CRHR1: variants seen among roughly 807,000 people sequenced by gnomAD.
The protein encoded by CRHR1 is corticotropin releasing hormone receptor 1.
A neutral mutation model predicts 56.0 loss-of-function variants in CRHR1; 28 were observed. The ratio of observed to expected loss-of-function variants is 0.50; its 90% confidence interval spans 0.37 to 0.69. The LOEUF is 0.69. Ranked by LOEUF, CRHR1 falls within the 30% of genes least tolerant of loss-of-function variation. The pLI is 0.00. For synonymous variants in CRHR1, 195 were observed against 216.5 expected (o/e 0.90, Z 0.87); for missense variants, 376 against 548.0 (o/e 0.69, Z 3.13).
intron 2 of CRHR1, among the ~76,000 whole-genome samples, chr17:45,812,984 A>C (rs1359013556): frequency 6.6e-6 from 1 of 152,036 alleles, no homozygotes; most frequent in African/African-American, 2.4e-5. Context: ...CCTTGTCCCT[A>C]CAGGGTCCCA....
chr17:45,797,435 C>A (rs1160994641), intron 1 of CRHR1, among the ~76,000 whole-genome samples: 1 of 151,902 alleles, frequency 6.6e-6, no homozygotes, highest in East Asian at 1.9e-4. Context: ...GGACTACAGG[C>A]GCCCGCCACC....
intron 2 of CRHR1, among the ~76,000 whole-genome samples, chr17:45,808,122 G>A (rs974367422): frequency 1.3e-5 from 2 of 152,214 alleles, no homozygotes; most frequent in South Asian, 2.1e-4. Flanking sequence ...CAGGCCCCAC[G>A]CAGGGCACTG....
In CRHR1 at chr17:45,834,861, C is replaced by G; in HGVS notation, c.*97C>G. The G allele has an allele frequency of 1.3e-6, 2 of 1,502,432 alleles. No individual in the cohort carries two copies. Among genetic ancestry groups the G allele is most frequent in the Non-Finnish European group, 1.8e-6 (2 of 1,101,820 alleles). 93.1% of individuals were successfully genotyped at this position (1,502,432 alleles called of 1,614,324 possible). A position where few individuals can be genotyped will look rare whatever the true frequency, so the allele number is the denominator to read the frequency against. ...TGCCTGTGGAGGTGACCTGTTAGGTCTCATGCCCACTCCCCCAGGAGCAGC... is the reference window on the plus strand; with the variant it reads ...TGCCTGTGGAGGTGACCTGTTAGGTGTCATGCCCACTCCCCCAGGAGCAGC... On this transcript the variant is annotated 3_prime_UTR_variant, in exon 13 of 13. Transcript: ENST00000314537.
rs568534119 is a variant in CRHR1, at chr17:45,798,044, A to C, written c.34-8966A>C. ...GAGGGAGCTCCTGCTGAGCAGGAGG[A>C]ATAGAGAGGAAAATGAGAAAAAGGA... On this transcript the variant is annotated intron_variant, in intron 1 of 12. Transcript: ENST00000314537. Among the ~76,000 whole-genome samples the C allele has an allele frequency of 6.1e-4, 93 of 152,182 alleles. 2 individuals are homozygous for C. Among genetic ancestry groups the C allele is most frequent in the African/African-American group, 2.1e-3 (87 of 41,510 alleles).
rs1041912733 is a variant in CRHR1, at chr17:45,833,831, C to T, written c.1047C>T (p.Ser349=). ...GGGTCGTCTTCATCTACTTCAACTC[C>T]TTCCTGGAATCCTTCCAGGTACAGC... ...VSRVVFIYFN[S]FLESFQGFFV... Residue 349 remains serine, a synonymous_variant, in exon 11 of 13, where the codon TCC becomes TCT. Coordinates refer to ENST00000314537, the MANE Select transcript of CRHR1 (RefSeq NM_004382.5). The T allele has an allele frequency of 2.5e-6, 4 of 1,613,762 alleles. No individual in the cohort carries two copies. The highest frequency in any genetic ancestry group is 1.7e-6 in the Non-Finnish European group (2 of 1,179,984).
Position 45,807,825 on chromosome 17 carries a change from G to A in CRHR1, c.121+728G>A, listed in dbSNP as rs576315116. 1.2e-4 allele frequency among the ~76,000 whole-genome samples: 18 copies of A among 152,288 alleles called. No homozygotes were observed. The South Asian group carries it at 2.1e-3, about 18-fold the overall frequency. ...TTCATCCTCACAAGAGTGTAAAGCC[G>A]AACGTTTGTACAGTTGAGGAAACTG... On this transcript the variant is annotated intron_variant, in intron 2 of 12. Coordinates refer to ENST00000314537, the MANE Select transcript of CRHR1 (RefSeq NM_004382.5).
intron 4 of CRHR1, chr17:45,827,796 TCTC>T (rs1471908878): frequency 1.3e-5 from 2 of 152,450 alleles, no homozygotes; most frequent in Admixed American, 6.5e-5. Context: ...GGTCTTGGCT[TCTC>T]CTGGGATGCC....
At chr17:45,830,244 G>A (rs1568069790) in intron 6 of CRHR1, 30 bp downstream of exon 6, 1 of 1,612,500 alleles carries the variant, frequency 6.2e-7, no homozygotes, top group Non-Finnish European at 8.5e-7. Context: ...CGGGGAGCAG[G>A]TCAGGCCAAA....
At chr17:45,813,881 C>G (rs1006137247) in intron 2 of CRHR1, among the ~76,000 whole-genome samples, 1 of 152,254 alleles carries the variant, frequency 6.6e-6, no homozygotes, top group Non-Finnish European at 1.5e-5. Context: ...CCTTGAAGGT[C>G]TCCACGTCCC....
intron 1 of CRHR1, among the ~76,000 whole-genome samples, chr17:45,789,698 T>C (rs1260977415): frequency 6.6e-6 from 1 of 152,206 alleles, no homozygotes; most frequent in African/African-American, 2.4e-5. Context: ...AAAATGCTTG[T>C]CTTTGGACTT....
chr17:45,806,981 A>G (rs369389731), intron 1 of CRHR1, 29 bp from the exon 2 acceptor site: 23 of 1,601,794 alleles, frequency 1.4e-5, no homozygotes, highest in Middle Eastern at 3.3e-4. Context: ...GCACCTGCCT[A>G]ATGTGTCCTT....
chr17:45,815,098 G>A (rs866137644), intron 2 of CRHR1, among the ~76,000 whole-genome samples: 1 of 152,270 alleles, frequency 6.6e-6, no homozygotes, highest in Non-Finnish European at 1.5e-5. Flanking sequence ...GGCAGCCCCA[G>A]CCAGGGCTTG....
intron 1 of CRHR1, among the ~76,000 whole-genome samples, chr17:45,804,424 C>G (rs17689378): frequency 6.6e-6 from 1 of 151,968 alleles, no homozygotes; most frequent in African/African-American, 2.4e-5. Flanking sequence ...CAGGCTCTGA[C>G]GAGGAGTGGG....
chr17:45,791,878 A>G (rs1157616393), intron 1 of CRHR1, among the ~76,000 whole-genome samples: 1 of 151,516 alleles, frequency 6.6e-6, no homozygotes, highest in East Asian at 1.9e-4. Context: ...ACACACACAC[A>G]CACACACGCT....
intron 3 of CRHR1, among the ~76,000 whole-genome samples, chr17:45,820,173 C>T (rs190647384): frequency 1.3e-5 from 2 of 152,320 alleles, no homozygotes; most frequent in South Asian, 2.1e-4. Context: ...GGAAGGCCTA[C>T]AGTGAGGGAG....
chr17:45,791,958 C>G (rs1004352970), intron 1 of CRHR1, among the ~76,000 whole-genome samples: 2 of 152,134 alleles, frequency 1.3e-5, no homozygotes, highest in African/African-American at 4.8e-5. Flanking sequence ...TCAGAAGCCA[C>G]TGTGTGGTCA....
chr17:45,797,536 C>T (rs747053784), intron 1 of CRHR1, among the ~76,000 whole-genome samples: 6 of 152,064 alleles, frequency 3.9e-5, no homozygotes, highest in Non-Finnish European at 7.4e-5. Context: ...CCTCGGCCTC[C>T]CAAAGTGCTG....
At chr17:45,829,035 A>G (rs1466041494) in intron 4 of CRHR1, among the ~76,000 whole-genome samples, 180 bp from the exon 5 acceptor site, 1 of 152,188 alleles carries the variant, frequency 6.6e-6, no homozygotes, top group Admixed American at 6.5e-5. Context: ...AGGGACAAGC[A>G]GAGCCTCAAA....
intron 1 of CRHR1, among the ~76,000 whole-genome samples, chr17:45,791,745 C>T (rs2061428593): frequency 6.6e-6 from 1 of 151,956 alleles, no homozygotes; most frequent in African/African-American, 2.4e-5. Context: ...TGCTCCTCCT[C>T]CCCAGAAGCA....
Sources: gnomAD v4.1 joint callset for allele counts (sites outside exome capture counted in the v4.1 genomes callset) on GRCh38, gnomAD v4.1.1 for gene constraint, MANE v1.5 for transcripts, NCBI Gene and HGNC (gene_info 2026-07-23, HGNC 2026-07-21) for gene names.